The following BICDL1 variants were observed in gnomAD, a reference collection of about 807,000 sequenced individuals.
The protein encoded by BICDL1 is BICD family-like cargo adapter 1.
In BICDL1, 20 loss-of-function variants were observed where a neutral mutation model predicts 76.8. The ratio of observed to expected loss-of-function variants is 0.26; its 90% CI spans 0.18 to 0.38. BICDL1 has a LOEUF of 0.38. Among genes scored for constraint, BICDL1 ranks in the 10% least tolerant of loss-of-function variants. The pLI is 1.00. For synonymous variants in BICDL1, 383 were observed against 337.1 expected, an observed-to-expected ratio of 1.14 and a Z score of -1.49; for missense variants, 700 against 798.6, an observed-to-expected ratio of 0.88 and a Z score of 1.49.
At chr12:120,088,839 G>T (rs1244751197) in intron 8 of BICDL1, among the ~76,000 whole-genome samples, 2 of 150,724 alleles carry the variant, frequency 1.3e-5, no homozygotes, top group Admixed American at 6.6e-5. Context: ...GCTAATTTTT[G>T]GTATTTTTAG....
At chr12:120,007,890 G>C (rs1171501403) in intron 2 of BICDL1, among the ~76,000 whole-genome samples, 4 of 152,186 alleles carry the variant, frequency 2.6e-5, no homozygotes, top group Non-Finnish European at 5.9e-5. Flanking sequence ...GCAACAGCTG[G>C]TTATCAGAAG....
intron 9 of BICDL1, 23 bp downstream of exon 9, chr12:120,090,094 G>C: frequency 2.5e-6 from 4 of 1,612,414 alleles, no homozygotes; most frequent in Non-Finnish European, 2.5e-6. Flanking sequence ...CTGAGATCCA[G>C]GGCGAGAGGA....
At chr12:120,091,051 C>G (rs1158666136) in intron 9 of BICDL1, 5 of 1,288,626 alleles carry the variant, frequency 3.9e-6, no homozygotes, top group Non-Finnish European at 5.1e-6. Context: ...CATCCACCGT[C>G]TCGCCCTGCC....
At chr12:120,054,095 CAG>C (rs1470414674) in intron 2 of BICDL1, among the ~76,000 whole-genome samples, 2 of 146,468 alleles carry the variant, frequency 1.4e-5, no homozygotes, top group African/African-American at 2.5e-5. Flanking sequence ...TTTTTTGAGA[CAG>C]AGTCTCGCTC....
At chr12:119,991,271 C>G (rs7961738) in intron 1 of BICDL1, among the ~76,000 whole-genome samples, 52,693 of 152,138 alleles carry the variant, frequency 0.35, 12,156 homozygotes, top group African/African-American at 0.65. Flanking sequence ...TACAGCAAGA[C>G]AATAGTACAG....
chr12:120,074,536 A>T lies in BICDL1; in HGVS notation c.1402A>T (p.Arg468Trp), dbSNP rs1873383954. 7.8e-7 allele frequency: 1 copy of T among 1,276,270 alleles called. No individual in the cohort carries two copies. 79.1% of individuals were successfully genotyped at this position (1,276,270 alleles called of 1,614,324 possible). ...CCTAAGGGAGCTCATGGAGGGAGAG[A>T]GGGGTAAACTGAGGCAAAGCCTAGA... Reference protein sequence around the residue: ...RALRELMEGERGKLRQSLEEL... With the variant: ...RALRELMEGEWGKLRQSLEEL... Residue 468 changes from arginine to tryptophan, a missense_variant, in exon 7 of 10, where the codon AGG (arginine) becomes TGG (tryptophan). Around this residue, in one of 3 missense-constraint regions of BICDL1, gnomAD observed 455 missense variants for 548.7 expected, o/e 0.83. Transcript: ENST00000548673.
At chr12:120,083,805 G>A (rs1289322290) in intron 8 of BICDL1, among the ~76,000 whole-genome samples, 3 of 151,514 alleles carry the variant, frequency 2.0e-5, no homozygotes, top group South Asian at 2.1e-4. Context: ...ACAGGCATGC[G>A]CCCCCATGCT....
At chr12:120,036,476 TTC>T (rs996242942) in intron 2 of BICDL1, among the ~76,000 whole-genome samples, 6 of 152,240 alleles carry the variant, frequency 3.9e-5, no homozygotes, top group Non-Finnish European at 5.9e-5. Flanking sequence ...TTGTTTAGAC[TTC>T]TCTAAATTTT....
At chr12:120,034,171 G>T in intron 2 of BICDL1, among the ~76,000 whole-genome samples, 1 of 152,174 alleles carries the variant, frequency 6.6e-6, no homozygotes, top group East Asian at 1.9e-4. Flanking sequence ...TAATAGAAAT[G>T]ATACTTTATC....
Position 120,064,897 on chromosome 12 carries a change from C to A in BICDL1, c.909+18C>A. 1 of 1,592,994 alleles carries A rather than the reference C, an allele frequency of 6.3e-7. No individual in the cohort carries two copies. The highest frequency in any genetic ancestry group is 1.1e-5 in the South Asian group (1 of 88,002). On this transcript the variant is annotated intron_variant, in intron 4 of 9. Transcript: ENST00000548673. ...ACCTACAGGTACTGGGGTAGAGAAG[C>A]TGTCCTGCAGGACTAGAGCCAGATA...
chr12:120,074,329 C>T, intron 6 of BICDL1, 114 bp from the exon 7 acceptor site: 1 of 568,554 alleles, frequency 1.8e-6, no homozygotes, highest in Non-Finnish European at 2.3e-6. Context: ...ATCATTCCTC[C>T]ACTCTCCCCC....
chr12:120,028,257 TTTAA>T (rs1952348726), intron 2 of BICDL1, among the ~76,000 whole-genome samples: 1 of 152,226 alleles, frequency 6.6e-6, no homozygotes, highest in Non-Finnish European at 1.5e-5. Flanking sequence ...TTACTCGAGT[TTTAA>T]TTAATAAGAA....
intron 2 of BICDL1, among the ~76,000 whole-genome samples, chr12:120,022,126 G>C (rs963850102): frequency 6.6e-6 from 1 of 151,134 alleles, no homozygotes; most frequent in Non-Finnish European, 1.5e-5. Flanking sequence ...CAGAAAGTTT[G>C]TCAGCCTCTG....
intron 2 of BICDL1, among the ~76,000 whole-genome samples, chr12:120,054,834 C>T (rs962576507): frequency 3.9e-5 from 6 of 152,090 alleles, no homozygotes; most frequent in Admixed American, 1.3e-4. Context: ...GAGCCGAGAT[C>T]GCACGACAGC....
At chr12:120,033,470 G>A (rs1435058696) in intron 2 of BICDL1, among the ~76,000 whole-genome samples, 4 of 144,900 alleles carry the variant, frequency 2.8e-5, no homozygotes, top group Admixed American at 7.1e-5. Flanking sequence ...TCCGCCTCCC[G>A]GGTTCACGCC....
At chr12:120,069,588 C>G in intron 4 of BICDL1, among the ~76,000 whole-genome samples, 1 of 152,192 alleles carries the variant, frequency 6.6e-6, no homozygotes, top group East Asian at 1.9e-4. Flanking sequence ...AGGGCCTTGC[C>G]TCTAATGGTT....
At chr12:120,023,201 A>G (rs1489801377) in intron 2 of BICDL1, among the ~76,000 whole-genome samples, 1 of 152,218 alleles carries the variant, frequency 6.6e-6, no homozygotes, top group East Asian at 1.9e-4. Context: ...ATGATAGCTA[A>G]TGAGCTAAAA....
intron 7 of BICDL1, among the ~76,000 whole-genome samples, chr12:120,077,260 C>A (rs1452938758): frequency 6.6e-6 from 1 of 152,234 alleles, no homozygotes; most frequent in Non-Finnish European, 1.5e-5. Flanking sequence ...AAAATCCATA[C>A]CCAGACCCGA....
At chr12:120,034,945 T>C (rs574987100) in intron 2 of BICDL1, among the ~76,000 whole-genome samples, 1 of 152,362 alleles carries the variant, frequency 6.6e-6, no homozygotes, top group East Asian at 1.9e-4. Flanking sequence ...CTCCACTTGC[T>C]GTGTGTTTTT....
Sources: gnomAD v4.1 joint callset for allele counts (sites outside exome capture counted in the v4.1 genomes callset) on GRCh38, gnomAD v4.1.1 for gene constraint, gnomAD v4.1.1 regional missense constraint, MANE v1.5 for transcripts, NCBI Gene and HGNC (gene_info 2026-07-23, HGNC 2026-07-21) for gene names.